Variants in ZNF736 observed in about 807,000 individuals in gnomAD.
The protein encoded by ZNF736 is KRAB-containing zinc-finger repressor protein.
Under a neutral mutation model 11.7 loss-of-function variants are expected in ZNF736, and 6 were observed. The ratio of observed to expected loss-of-function variants is 0.51; its 90% CI spans 0.28 to 1.01. The LOEUF is 1.01. Among genes scored for constraint, ZNF736 ranks in the 50% least tolerant of loss-of-function variants. The pLI is 0.09. For synonymous variants in ZNF736, 139 were observed against 164.7 expected (o/e 0.84, Z 1.19); for missense variants, 444 against 496.0 (o/e 0.90, Z 1.00).
chr7:64,320,057 GA>G (rs1788983061), intron 1 of ZNF736, among the ~76,000 whole-genome samples: 1 of 152,082 alleles, frequency 6.6e-6, no homozygotes, highest in African/African-American at 2.4e-5. Context: ...AATATAAACT[GA>G]AATTTTAAAT....
rs1351130310 is a variant in ZNF736, at chr7:64,355,715, C to T, written c.*6568C>T. Reference sequence around the variant, plus strand: ...AGATCTTGACACAGCACATCCTCAACTTATTGTCTCCGAGGATAGAAAAGC... The same window carrying T: ...AGATCTTGACACAGCACATCCTCAATTTATTGTCTCCGAGGATAGAAAAGC... On this transcript the variant is annotated 3_prime_UTR_variant, in exon 4 of 4. Transcript: ENST00000423484. 2.6e-5 allele frequency: 4 copies of T among 153,170 alleles called. No homozygotes were observed. Among genetic ancestry groups the T allele is most frequent in the African/African-American group, 9.6e-5 (4 of 41,472 alleles). 9.5% of individuals were successfully genotyped at this position (153,170 alleles called of 1,614,324 possible). A position where few individuals can be genotyped will look rare whatever the true frequency, so the allele number is the denominator to read the frequency against.
chr7:64,323,657 A>G (rs552720639), intron 1 of ZNF736, among the ~76,000 whole-genome samples: 1 of 152,306 alleles, frequency 6.6e-6, no homozygotes, highest in East Asian at 1.9e-4. Context: ...CAAACGCTGC[A>G]TGCTCTCATA....
intron 3 of ZNF736, chr7:64,337,242 C>T (rs10225654): frequency 0.065 from 28,743 of 444,666 alleles, 1,534 homozygotes; most frequent in African/African-American, 0.19. Context: ...TTTTAGTTTA[C>T]AGCAATAATG....
chr7:64,341,662 A>G (rs563350039), intron 3 of ZNF736, among the ~76,000 whole-genome samples: 42 of 152,260 alleles, frequency 2.8e-4, no homozygotes, highest in South Asian at 1.0e-3. Flanking sequence ...GACAGACTCT[A>G]TTAATCAGAA....
chr7:64,318,160 A>T (rs1410557633), intron 1 of ZNF736, among the ~76,000 whole-genome samples: 7 of 151,946 alleles, frequency 4.6e-5, no homozygotes, highest in African/African-American at 1.7e-4. Context: ...AACATTTTTA[A>T]TGTGGAATAG....
chr7:64,331,459 A>T (rs1032874664), intron 1 of ZNF736, among the ~76,000 whole-genome samples: 10 of 152,188 alleles, frequency 6.6e-5, no homozygotes, highest in Admixed American at 6.5e-5. Flanking sequence ...GGCAATTAAC[A>T]GCTTTCTTTT....
chr7:64,341,166 G>A (rs1789332620), intron 3 of ZNF736, among the ~76,000 whole-genome samples: 1 of 151,422 alleles, frequency 6.6e-6, no homozygotes, highest in African/African-American at 2.4e-5. Context: ...AATTTCTACT[G>A]GTTTCTTTTT....
At chr7:64,329,828 A>T (rs1789136054) in intron 1 of ZNF736, among the ~76,000 whole-genome samples, 1 of 152,190 alleles carries the variant, frequency 6.6e-6, no homozygotes, top group Non-Finnish European at 1.5e-5. Flanking sequence ...AGCCAGGCTC[A>T]TGTCCTTTCC....
At chr7:64,345,613 C>G (rs1789398840) in intron 3 of ZNF736, among the ~76,000 whole-genome samples, 2 of 151,146 alleles carry the variant, frequency 1.3e-5, no homozygotes, top group East Asian at 2.0e-4. Context: ...TCTGTAGTCC[C>G]AGCTACTCAG....
Position 64,350,420 on chromosome 7 carries a change from C to T in ZNF736, c.*1273C>T, listed in dbSNP as rs1331065295. The T allele has an allele frequency of 2.0e-5, 3 of 152,190 alleles. No homozygotes were observed. The East Asian group carries it at 5.8e-4, about 29-fold the overall frequency. The allele number at this position is 152,190 out of a possible 1,614,324, so 9.4% of individuals were successfully genotyped here. On this transcript the variant is annotated 3_prime_UTR_variant, in exon 4 of 4. Transcript: ENST00000423484. ...TTCTATCAGGTTGGCCACATTTTTTCTCCAGACTGGCTGTTTTTTCCGTCA... is the reference window on the plus strand; with the variant it reads ...TTCTATCAGGTTGGCCACATTTTTTTTCCAGACTGGCTGTTTTTTCCGTCA...
chr7:64,337,198 G>A, intron 3 of ZNF736: 2 of 541,970 alleles, frequency 3.7e-6, no homozygotes, highest in African/African-American at 1.9e-5. Flanking sequence ...ATGTGTGTGT[G>A]TGTGTTGTGT....
In ZNF736 at chr7:64,347,641, G is replaced by A. The variant is rs772926452; in HGVS notation, c.227-449G>A. ...CATTTACCTTTGGTCTCAGCTGTCC[G>A]AAACTGTCAGTGCATACCACCTTTC... is the stretch of plus-strand genomic sequence containing the variant. On this transcript the variant is annotated intron_variant, in intron 3 of 3. Transcript: ENST00000423484. 2.0e-4 allele frequency among the ~76,000 whole-genome samples: 31 copies of A among 152,244 alleles called. No homozygotes were observed. The Middle Eastern group carries it at 0.014, about 67-fold the overall frequency.
Position 64,353,709 on chromosome 7 carries a change from T to TTC in ZNF736, c.*4562_*4563insTC, listed in dbSNP as rs1230711382. The TTC allele has an allele frequency of 3.7e-5, 4 of 107,536 alleles. No homozygotes were observed. Among genetic ancestry groups the TTC allele is most frequent in the African/African-American group, 1.4e-4 (4 of 28,446 alleles). 6.7% of individuals were successfully genotyped at this position (107,536 alleles called of 1,614,324 possible). ...TAAGTGGAAAGGCCACTTATTAGTT[T>TTC]ACAGCAGTATCGTAAGTGACAGGAT... On this transcript the variant is annotated 3_prime_UTR_variant, in exon 4 of 4. Transcript: ENST00000423484.
intron 1 of ZNF736, among the ~76,000 whole-genome samples, chr7:64,334,777 C>T (rs1044735638): frequency 2.6e-5 from 4 of 152,190 alleles, no homozygotes; most frequent in Non-Finnish European, 5.9e-5. Flanking sequence ...CCAGCAATCT[C>T]ATTACTAGGT....
In ZNF736 at chr7:64,336,976, C is replaced by T; in HGVS notation, c.220C>T (p.His74Tyr). The change falls in exon 3 of 4, where the codon CAC (histidine) becomes TAC (tyrosine). Residue 74 changes from histidine to tyrosine, a missense_variant. Transcript: ENST00000423484. Reference protein sequence around the residue: ...KVKRQEAVAKHPAGSFHFTAE... With the variant: ...KVKRQEAVAKYPAGSFHFTAE... Reference sequence around the variant, plus strand: ...GAAGAGACAGGAGGCAGTAGCCAAACACCCAGGTAGGTGGGAGTGAATGAA... The same window carrying T: ...GAAGAGACAGGAGGCAGTAGCCAAATACCCAGGTAGGTGGGAGTGAATGAA... 6.2e-7 allele frequency: 1 copy of T among 1,600,500 alleles called. No homozygotes were observed. The highest frequency in any genetic ancestry group is 8.5e-7 in the Non-Finnish European group (1 of 1,173,122).
intron 1 of ZNF736, among the ~76,000 whole-genome samples, chr7:64,322,321 T>G (rs1789014394): frequency 1.3e-5 from 2 of 152,224 alleles, no homozygotes; most frequent in South Asian, 2.1e-4. Flanking sequence ...ATATTTATTT[T>G]ATAAAGTTTT....
chr7:64,333,383 A>G (rs866548449), intron 1 of ZNF736, among the ~76,000 whole-genome samples: 5 of 152,212 alleles, frequency 3.3e-5, no homozygotes, highest in Non-Finnish European at 5.9e-5. Flanking sequence ...TATACCTGCA[A>G]CATTACAAAT....
intron 1 of ZNF736, among the ~76,000 whole-genome samples, chr7:64,322,074 T>C (rs1789011055): frequency 1.3e-5 from 2 of 152,206 alleles, no homozygotes; most frequent in Admixed American, 6.5e-5. Context: ...CATATAATTC[T>C]ATGTTCTAAA....
At chr7:64,346,021 T>C (rs992624079) in intron 3 of ZNF736, among the ~76,000 whole-genome samples, 1 of 152,224 alleles carries the variant, frequency 6.6e-6, no homozygotes, top group African/African-American at 2.4e-5. Context: ...CTCATTGATA[T>C]TCTGTCTTGC....
Sources: allele counts gnomAD v4.1 joint callset (sites outside exome capture counted in the v4.1 genomes callset), GRCh38; gene constraint gnomAD v4.1.1; transcripts MANE v1.5; gene names NCBI Gene and HGNC (gene_info 2026-07-23, HGNC 2026-07-21).